Variants in MIER2 observed in about 807,000 individuals in gnomAD.
The protein encoded by MIER2 is MIER family member 2.
Under a neutral mutation model 67.6 loss-of-function variants are expected in MIER2, and 30 were observed. The ratio of observed to expected loss-of-function variants is 0.44; its 90% CI spans 0.33 to 0.60. MIER2 has a LOEUF of 0.60. Ranked by LOEUF, MIER2 falls within the 20% of genes least tolerant of loss-of-function variation. The pLI is 0.02. For missense variants in MIER2, 702 were observed against 745.1 expected (o/e 0.94, Z 0.67); for synonymous variants, 372 against 312.6 (o/e 1.19, Z -2.00).
intron 13 of MIER2, 99 bp downstream of exon 13, chr19:307,020 C>T (rs1487435553): frequency 7.2e-7 from 1 of 1,385,956 alleles, no homozygotes; most frequent in South Asian, 1.4e-5. Flanking sequence ...GTCCTCGGGT[C>T]CTTGGGGCAA....
intron 1 of MIER2, chr19:344,104 G>A: frequency 1.0e-6 from 1 of 985,432 alleles, no homozygotes; most frequent in Non-Finnish European, 1.2e-6. Flanking sequence ...GACGAGGGAG[G>A]AGGCTCCAGA....
rs773728852 is a variant in MIER2, at chr19:308,818, G to A, written c.1092C>T (p.Tyr364=). 10 of 1,607,140 alleles carry A rather than the reference G, an allele frequency of 6.2e-6. 1 individual carries two copies. The highest frequency in any genetic ancestry group is 1.3e-5 in the African/African-American group (1 of 74,768). ...AQQTRLGRRK[Y]VPSGTTDADQ... is the part of the protein sequence containing the mutation. Reference sequence around the variant, plus strand: ...GCACGCACGTGGTTCCGGACGGGACGTACTTCCTCCGGCCCAGCCGCGTCT... The same window carrying A: ...GCACGCACGTGGTTCCGGACGGGACATACTTCCTCCGGCCCAGCCGCGTCT... Residue 364 remains tyrosine, a synonymous_variant, in exon 11 of 14, where the codon TAC becomes TAT. Coordinates refer to ENST00000264819, the MANE Select transcript of MIER2 (RefSeq NM_017550.3). The surrounding 1 kb of genome is among the most constrained non-coding windows in gnomAD (Gnocchi z 9.1).
intron 5 of MIER2, 128 bp downstream of exon 5, chr19:327,005 C>T: frequency 7.5e-7 from 1 of 1,342,098 alleles, no homozygotes; most frequent in Non-Finnish European, 1.0e-6. Context: ...CTGACGCTTC[C>T]CGCCAGGCAG....
chr19:316,297 A>AAT (rs199970562), intron 7 of MIER2, among the ~76,000 whole-genome samples: 1,892 of 148,324 alleles, frequency 0.013, 74 homozygotes, highest in Admixed American at 0.1. Context: ...TGATATGTAG[A>AAT]TTTTTTTTTT....
intron 7 of MIER2, among the ~76,000 whole-genome samples, chr19:323,709 C>G (rs528332201): frequency 6.6e-6 from 1 of 151,786 alleles, no homozygotes; most frequent in African/African-American, 2.4e-5. Flanking sequence ...ACAAGACACA[C>G]GCAACCACAC....
rs75198240 is a variant in MIER2, at chr19:327,260, T to TAAA, written c.370-7_370-5dup. ...GCAAATCCTTCGCTATTTGTTCCTTTAAAAAAAAAAAAAAAAGTAAAGAAC... is the reference window on the plus strand; with the variant it reads ...GCAAATCCTTCGCTATTTGTTCCTTTAAAAAAAAAAAAAAAAAAAGTAAAGAAC... On this transcript the variant is annotated splice_region_variant and splice_polypyrimidine_tract_variant and intron_variant, in intron 4 of 13. Transcript: ENST00000264819. The TAAA allele has an allele frequency of 1.0e-4, 148 of 1,461,396 alleles. No homozygotes were observed. Among genetic ancestry groups the TAAA allele is most frequent in the Admixed American group, 6.3e-4 (27 of 42,808 alleles). The allele number at this position is 1,461,396 out of a possible 1,614,324, so 90.5% of individuals were successfully genotyped here. A position where few individuals can be genotyped will look rare whatever the true frequency, so the allele number is the denominator to read the frequency against.
intron 5 of MIER2, 66 bp downstream of exon 5, chr19:327,067 A>G (rs1971787312): frequency 1.0e-5 from 16 of 1,533,072 alleles, no homozygotes; most frequent in African/African-American, 1.4e-5. Flanking sequence ...AGGACCCTTC[A>G]TCAAGCATCA....
chr19:336,713 G>A (rs1972273846), intron 1 of MIER2, among the ~76,000 whole-genome samples: 2 of 152,142 alleles, frequency 1.3e-5, no homozygotes, highest in Non-Finnish European at 2.9e-5. Context: ...TGGTTGCATG[G>A]TCGTGAATAC....
intron 3 of MIER2, among the ~76,000 whole-genome samples, chr19:329,082 T>C (rs533547300): frequency 1.1e-4 from 17 of 152,324 alleles, no homozygotes; most frequent in African/African-American, 4.1e-4. Context: ...CGCTGATCCC[T>C]GTGGGTCACT....
chr19:336,220 C>A, intron 1 of MIER2, 47 bp from the exon 2 acceptor site: 1 of 1,499,430 alleles, frequency 6.7e-7, no homozygotes, highest in Non-Finnish European at 9.2e-7. Context: ...CCAAAACCTG[C>A]TGCTGGACAT....
chr19:327,735 A>T, intron 4 of MIER2, 129 bp downstream of exon 4: 1 of 1,420,818 alleles, frequency 7.0e-7, no homozygotes, highest in Admixed American at 2.5e-5. Flanking sequence ...GGTAGTGGTC[A>T]CAGGTACATT....
chr19:340,079 AG>A (rs1424264979), intron 1 of MIER2, among the ~76,000 whole-genome samples: 3 of 152,234 alleles, frequency 2.0e-5, no homozygotes, highest in Non-Finnish European at 4.4e-5. Flanking sequence ...CGGGTCCTCA[AG>A]AAAAAACCTC....
intron 1 of MIER2, among the ~76,000 whole-genome samples, chr19:339,823 G>A (rs1011888650): frequency 4.6e-5 from 7 of 152,128 alleles, no homozygotes; most frequent in African/African-American, 1.7e-4. Flanking sequence ...GTTGATCTGG[G>A]GTTTGGGGAG....
chr19:343,764 G>A, intron 1 of MIER2: 1 of 834,682 alleles, frequency 1.2e-6, no homozygotes, highest in African/African-American at 1.8e-5. Flanking sequence ...GTCATGCACT[G>A]AGTCCCACTG....
chr19:320,949 C>T (rs918618754), intron 7 of MIER2, among the ~76,000 whole-genome samples: 10 of 152,190 alleles, frequency 6.6e-5, no homozygotes, highest in African/African-American at 1.7e-4. Flanking sequence ...CCAGACAGAA[C>T]GTCGGCACTA....
intron 1 of MIER2, among the ~76,000 whole-genome samples, chr19:337,697 T>C (rs1405218616): frequency 6.6e-6 from 1 of 151,352 alleles, no homozygotes; most frequent in Non-Finnish European, 1.5e-5. Flanking sequence ...TGAAACCCTG[T>C]CTCTACCAAA....
At position 325,723 on chromosome 19, in the gene MIER2, G is replaced by A. The variant is rs1194222161; in HGVS notation, c.586-19C>T. ...TGATCTCCTGCAAAGCAAGCACCTG[G>A]GAATCAGGACACTGAGGAGCATCTA... On this transcript the variant is annotated intron_variant, in intron 6 of 13. Transcript: ENST00000264819. The A allele has an allele frequency of 1.9e-6, 3 of 1,614,052 alleles. No homozygotes were observed. The highest frequency in any genetic ancestry group is 2.5e-6 in the Non-Finnish European group (3 of 1,180,000).
chr19:336,065 A>C lies in MIER2; in HGVS notation c.100+18T>G. On this transcript the variant is annotated intron_variant, in intron 2 of 13. Coordinates refer to ENST00000264819, the MANE Select transcript of MIER2 (RefSeq NM_017550.3). ...AGGCCTTGGCGGACCTGAGCAGGGG[A>C]AGGAGGGAGGAAGGTACCTGCTGTT... is the stretch of plus-strand genomic sequence containing the variant. 3.1e-6 allele frequency: 5 copies of C among 1,610,810 alleles called. No homozygotes were observed. The highest frequency in any genetic ancestry group is 4.2e-6 in the Non-Finnish European group (5 of 1,177,596).
At chr19:344,718 C>G (rs2145590653) in intron 1 of MIER2, 56 bp downstream of exon 1, 1 of 1,067,010 alleles carries the variant, frequency 9.4e-7, no homozygotes, top group African/African-American at 1.7e-5. Flanking sequence ...GCCACGGCGG[C>G]GGGGGGCGCG....
Sources: gnomAD v4.1 joint callset for allele counts (sites outside exome capture counted in the v4.1 genomes callset) on GRCh38, gnomAD v4.1.1 for gene constraint, Gnocchi (gnomAD v3.1) non-coding constraint, MANE v1.5 for transcripts, NCBI Gene and HGNC (gene_info 2026-07-23, HGNC 2026-07-21) for gene names.